The following SMTN variants were observed in gnomAD, a reference collection of about 807,000 sequenced individuals.
SMTN encodes smoothelin.
Under a neutral mutation model 102.0 loss-of-function variants are expected in SMTN, and 58 were observed. The ratio of observed to expected loss-of-function variants is 0.57; its 90% CI spans 0.46 to 0.71. SMTN has a LOEUF of 0.71. SMTN is among the 30% of genes least tolerant of loss of function. SMTN has a pLI of 0.00. For synonymous variants in SMTN, 478 were observed against 497.9 expected (o/e 0.96, Z 0.53); for missense variants, 1,185 against 1,241.7 (o/e 0.95, Z 0.69).
chr22:31,086,553 G>C (rs1016856178), intron 2 of SMTN, among the ~76,000 whole-genome samples: 3 of 152,188 alleles, frequency 2.0e-5, no homozygotes, highest in African/African-American at 7.2e-5. Context: ...CTAGAACCAA[G>C]TATGGGGGTG....
chr22:31,084,641 C>T (rs987884833), intron 2 of SMTN, among the ~76,000 whole-genome samples: 5 of 152,246 alleles, frequency 3.3e-5, no homozygotes, highest in African/African-American at 1.2e-4. Context: ...CGCACATCCT[C>T]ATCTCAAGGT....
At chr22:31,089,451 C>T (rs1321275137) in intron 6 of SMTN, among the ~76,000 whole-genome samples, 1 of 152,252 alleles carries the variant, frequency 6.6e-6, no homozygotes, top group Non-Finnish European at 1.5e-5. Flanking sequence ...TACCCACCCA[C>T]TGACATCAGG....
At chr22:31,097,691 G>GA (rs1569265185) in intron 16 of SMTN, among the ~76,000 whole-genome samples, 1 of 151,200 alleles carries the variant, frequency 6.6e-6, no homozygotes, top group East Asian at 1.9e-4. Context: ...GCAACAGAGC[G>GA]AGACTCAGTC....
chr22:31,077,395 C>A (rs200258307), upstream of SMTN, among the ~76,000 whole-genome samples: 67 of 148,512 alleles, frequency 4.5e-4, no homozygotes, highest in Admixed American at 1.1e-3. Context: ...CAAAACAAAA[C>A]AAAAAAAAAA....
chr22:31,082,838 G>A (rs56303162), intron 1 of SMTN: 1 of 1,510,010 alleles, frequency 6.6e-7, no homozygotes, highest in Non-Finnish European at 8.9e-7. Flanking sequence ...CCCCCTGGTG[G>A]TAAGCACAGC....
At chr22:31,092,223 C>A (rs1010755331) in intron 11 of SMTN, among the ~76,000 whole-genome samples, 1 of 152,210 alleles carries the variant, frequency 6.6e-6, no homozygotes, top group African/African-American at 2.4e-5. Context: ...GCCCCTGCGC[C>A]CACCCACACT....
At chr22:31,091,612 C>A in intron 10 of SMTN, 63 bp from the exon 11 acceptor site, 1 of 1,526,188 alleles carries the variant, frequency 6.6e-7, no homozygotes, top group Non-Finnish European at 8.9e-7. Context: ...GCATTATCAA[C>A]CTTGTCTGGC....
intron 2 of SMTN, chr22:31,085,372 C>T: frequency 5.5e-6 from 7 of 1,269,756 alleles, no homozygotes; most frequent in Non-Finnish European, 7.4e-6. Context: ...GGCGAGGCTT[C>T]CCTCCACCGC....
intron 17 of SMTN, 79 bp from the exon 18 acceptor site, chr22:31,098,983 G>T: frequency 6.5e-7 from 1 of 1,541,816 alleles, no homozygotes; most frequent in Non-Finnish European, 8.9e-7. Flanking sequence ...TGGAAGGCGG[G>T]GCCTGGGATC....
intron 2 of SMTN, among the ~76,000 whole-genome samples, chr22:31,086,064 C>T (rs2042677982): frequency 2.0e-5 from 3 of 152,240 alleles, no homozygotes; most frequent in Admixed American, 6.5e-5. Flanking sequence ...CAGCCCCCAG[C>T]CTCCAAATGT....
intron 16 of SMTN, 86 bp from the exon 17 acceptor site, chr22:31,098,581 G>GA (rs1555971910): frequency 8.8e-7 from 1 of 1,132,226 alleles, no homozygotes; most frequent in Non-Finnish European, 1.2e-6. Flanking sequence ...TGTGCTACAA[G>GA]ACCCCCCCTC....
Position 31,095,384 on chromosome 22 carries a change from C to T in SMTN, c.1714C>T (p.Pro572Ser), listed in dbSNP as rs748962002. The change falls in exon 12 of 21, where the codon CCA (proline) becomes TCA (serine). Residue 572 changes from proline to serine, a missense_variant. Around this residue, in one of 2 missense-constraint regions of SMTN, gnomAD observed 1,096 missense variants for 1,112.7 expected, o/e 0.98. Coordinates refer to ENST00000333137, the MANE Select transcript of SMTN (RefSeq NM_134269.3). The surrounding 1 kb of genome is among the most constrained non-coding windows in gnomAD (Gnocchi z 4.1). Reference sequence around the variant, plus strand: ...TGAGCAGACCCGAGTGAACAAAGCACCAGAAGGGCGGAGCCCTCTGAGCGC... The same window carrying T: ...TGAGCAGACCCGAGTGAACAAAGCATCAGAAGGGCGGAGCCCTCTGAGCGC... ...GAEQTRVNKA[P>S]EGRSPLSAEE... The T allele has an allele frequency of 1.9e-5, 30 of 1,614,128 alleles. No homozygotes were observed. The highest frequency in any genetic ancestry group is 2.3e-5 in the Non-Finnish European group (27 of 1,180,048).
intron 1 of SMTN, chr22:31,082,833 T>A: frequency 6.7e-7 from 1 of 1,502,774 alleles, no homozygotes; most frequent in Non-Finnish European, 8.9e-7. Context: ...GTGCACCCCC[T>A]GGTGGTAAGC....
At chr22:31,085,443 G>T (rs2042623053) in intron 2 of SMTN, among the ~76,000 whole-genome samples, 1 of 152,344 alleles carries the variant, frequency 6.6e-6, no homozygotes, top group East Asian at 1.9e-4. Flanking sequence ...AGCCCCCTCC[G>T]TTGTGCTGTT....
intron 1 of SMTN, chr22:31,066,321 A>AT (rs200454327): frequency 4.6e-5 from 7 of 151,588 alleles, no homozygotes; most frequent in East Asian, 3.9e-4. Context: ...ATTTTATTTT[A>AT]TTTTTGAGAC....
chr22:31,093,753 G>A (rs750585759), intron 11 of SMTN: 4 of 1,551,668 alleles, frequency 2.6e-6, no homozygotes, highest in Non-Finnish European at 3.5e-6. Flanking sequence ...AGCTGCTCCT[G>A]GCTGCCGCCG....
At chr22:31,098,944 A>G in intron 17 of SMTN, 104 bp downstream of exon 17, 1 of 1,547,470 alleles carries the variant, frequency 6.5e-7, no homozygotes, top group Admixed American at 1.7e-5. Flanking sequence ...CCGCGCGGCT[A>G]GATCTGTGGT....
At chr22:31,083,477 T>TC in intron 2 of SMTN, 168 bp downstream of exon 2, 1 of 787,630 alleles carries the variant, frequency 1.3e-6, no homozygotes, top group Non-Finnish European at 1.9e-6. Flanking sequence ...GCAGAGGCCC[T>TC]TGTGGCATGT....
Position 31,093,853 on chromosome 22 carries a change from G to A in SMTN, c.1633-1450G>A, listed in dbSNP as rs770482414. 2.5e-5 allele frequency: 40 copies of A among 1,582,620 alleles called. No homozygotes were observed. In the East Asian group the frequency reaches 3.4e-4, roughly 13 times the overall value. ...CAGCACCCGCCGCCGCTCCTCCACC[G>A]GCACCACCCGCAGCACTAGTCTCGT... On this transcript the variant is annotated intron_variant, in intron 11 of 20. Transcript: ENST00000333137.
Sources: gnomAD v4.1 joint callset for allele counts (sites outside exome capture counted in the v4.1 genomes callset) on GRCh38, gnomAD v4.1.1 for gene constraint, gnomAD v4.1.1 regional missense constraint, Gnocchi (gnomAD v3.1) non-coding constraint, MANE v1.5 for transcripts, NCBI Gene and HGNC (gene_info 2026-07-23, HGNC 2026-07-21) for gene names.